ADGRL2: variants seen among roughly 807,000 people sequenced by gnomAD.
ADGRL2 encodes calcium-independent alpha-latrotoxin receptor 2.
ADGRL2 carries 44 observed loss-of-function variants against 157.4 expected under a neutral mutation model. The observed-to-expected ratio is 0.28, with a 90% confidence interval of 0.22 to 0.36. The LOEUF (loss-of-function observed/expected upper bound fraction) is 0.36. Among genes scored for constraint, ADGRL2 ranks in the 10% least tolerant of loss-of-function variants. The pLI is 1.00. For synonymous variants in ADGRL2, 585 were observed against 624.7 expected (o/e 0.94, Z 0.95); for missense variants, 1,510 against 1,768.9 (o/e 0.85, Z 2.63).
At chr1:81,564,086 T>C (rs573915899) in intron 2 of ADGRL2, among the ~76,000 whole-genome samples, 23 of 152,272 alleles carry the variant, frequency 1.5e-4, no homozygotes, top group African/African-American at 5.3e-4. Flanking sequence ...CCCAAAACAA[T>C]GATCCCAGCC....
intron 3 of ADGRL2, among the ~76,000 whole-genome samples, chr1:81,928,429 T>C (rs962178417): frequency 6.6e-6 from 1 of 152,118 alleles, no homozygotes; most frequent in African/African-American, 2.4e-5. Flanking sequence ...AATCATTATT[T>C]AATTTTTTCA....
chr1:81,885,092 G>A lies in ADGRL2; in HGVS notation c.74-21925G>A, dbSNP rs1337522177. Among the ~76,000 whole-genome samples the A allele has an allele frequency of 3.9e-5, 6 of 152,196 alleles. No individual in the cohort carries two copies. The East Asian group carries it at 9.6e-4, about 24-fold the overall frequency. ...AATTGCCAATTTATTTATTGATTTT[G>A]TTTTATAATAGTTATTATTTGAAAA... On this transcript the variant is annotated intron_variant, in intron 2 of 23. Coordinates refer to ENST00000686636, the MANE Select transcript of ADGRL2 (RefSeq NM_001366006.2).
intron 3 of ADGRL2, among the ~76,000 whole-genome samples, chr1:81,643,710 A>G (rs967617228): frequency 2.6e-5 from 4 of 152,228 alleles, no homozygotes; most frequent in African/African-American, 7.2e-5. Context: ...CAAGATCTAT[A>G]TGAGGACAAC....
chr1:81,877,111 C>T (rs1210807662), intron 2 of ADGRL2, among the ~76,000 whole-genome samples: 2 of 152,100 alleles, frequency 1.3e-5, no homozygotes, highest in Non-Finnish European at 2.9e-5. Flanking sequence ...TGATCAACAA[C>T]ATTTTGTTTT....
chr1:81,879,209 C>T (rs1473713985), intron 2 of ADGRL2, among the ~76,000 whole-genome samples: 1 of 151,874 alleles, frequency 6.6e-6, no homozygotes, highest in African/African-American at 2.4e-5. Flanking sequence ...GAATTGGAGC[C>T]CCACATGATT....
At chr1:81,871,647 T>C (rs1308321274) in intron 2 of ADGRL2, among the ~76,000 whole-genome samples, 1 of 152,212 alleles carries the variant, frequency 6.6e-6, no homozygotes, top group Non-Finnish European at 1.5e-5. Context: ...TGAGATGATA[T>C]CTCATTGTGG....
In ADGRL2 at chr1:81,924,157, C is replaced by G. The variant is rs1437621286; in HGVS notation, c.288-12571C>G. Among the ~76,000 whole-genome samples, 8 of 152,238 alleles carry G rather than the reference C, an allele frequency of 5.3e-5. No individual in the cohort carries two copies. The East Asian group carries it at 1.5e-3, about 29-fold the overall frequency. On this transcript the variant is annotated intron_variant, in intron 3 of 23. Coordinates refer to ENST00000686636, the MANE Select transcript of ADGRL2 (RefSeq NM_001366006.2). ...TGATTCTTCCCGCATATGTGTGTGC[C>G]TCCCTCAAGTATATAACAGGGAGAT...
intron 1 of ADGRL2, among the ~76,000 whole-genome samples, chr1:81,411,434 G>A (rs2076943303): frequency 6.6e-6 from 1 of 152,150 alleles, no homozygotes; most frequent in South Asian, 2.1e-4. Flanking sequence ...CCATGAGGGA[G>A]ATATTGGTGT....
At chr1:81,865,122 T>C (rs1195994898) in intron 2 of ADGRL2, among the ~76,000 whole-genome samples, 1 of 152,222 alleles carries the variant, frequency 6.6e-6, no homozygotes, top group Non-Finnish European at 1.5e-5. Flanking sequence ...CAGGCTTTAC[T>C]CTTACAGAGA....
chr1:81,798,260 TTTAAG>T (rs1260356757), upstream of ADGRL2, among the ~76,000 whole-genome samples: 2 of 152,122 alleles, frequency 1.3e-5, no homozygotes, highest in Non-Finnish European at 2.9e-5. Context: ...GTGTGTGCCT[TTTAAG>T]TGTTCCTTTG....
intron 3 of ADGRL2, among the ~76,000 whole-genome samples, chr1:81,619,411 G>A (rs2081739806): frequency 6.6e-6 from 1 of 152,056 alleles, no homozygotes; most frequent in Admixed American, 6.6e-5. Context: ...TGACACCATA[G>A]CAACTAATTG....
chr1:81,709,281 T>G (rs1057325034), intron 1 of ADGRL2, among the ~76,000 whole-genome samples: 2 of 152,142 alleles, frequency 1.3e-5, no homozygotes, highest in African/African-American at 4.8e-5. Context: ...CATTTTACAA[T>G]GGATAAAATA....
At chr1:81,746,481 G>C (rs2085250369) in intron 1 of ADGRL2, among the ~76,000 whole-genome samples, 1 of 151,918 alleles carries the variant, frequency 6.6e-6, no homozygotes, top group Non-Finnish European at 1.5e-5. Flanking sequence ...GTAGAGATGG[G>C]GTTTTACCAT....
intron 13 of ADGRL2, 65 bp downstream of exon 13, chr1:81,966,674 C>A: frequency 7.1e-7 from 1 of 1,402,222 alleles, no homozygotes; most frequent in Non-Finnish European, 1.0e-6. Context: ...GAAAGCAAAA[C>A]TGAGGTGCTG....
intron 2 of ADGRL2, among the ~76,000 whole-genome samples, chr1:81,791,334 G>A (rs2087334873): frequency 6.6e-6 from 1 of 152,070 alleles, no homozygotes; most frequent in South Asian, 2.1e-4. Context: ...TTTGAGTATT[G>A]TGGGTAATTG....
upstream of ADGRL2, among the ~76,000 whole-genome samples, chr1:81,799,878 A>C (rs1333985875): frequency 7.8e-5 from 2 of 25,660 alleles, no homozygotes; most frequent in African/African-American, 2.9e-4. Flanking sequence ...CCAGCTCAGA[A>C]ATTTTGCAAT....
intron 22 of ADGRL2, chr1:81,987,284 T>C (rs1359428223): frequency 6.3e-6 from 10 of 1,595,498 alleles, no homozygotes; most frequent in Non-Finnish European, 8.6e-6. Flanking sequence ...AATATATTAT[T>C]ACAGGACTGA....
In ADGRL2 at chr1:81,986,902, A is replaced by T; in HGVS notation, c.3510A>T (p.Gly1170=). ...TGTTGTTTTTTTTTTTTACTTTAGG[A>T]ATGACTGGCAATTACCTACTAACAA... is the stretch of plus-strand genomic sequence containing the variant. ...DINSTSTLNQ[G]MTGNYLLTNP... is the part of the protein sequence containing the mutation. The change falls in exon 22 of 24, where the codon GGA becomes GGT. Residue 1170 remains glycine (G), a splice_region_variant and synonymous_variant. Coordinates refer to ENST00000686636, the MANE Select transcript of ADGRL2 (RefSeq NM_001366006.2). 2 of 1,606,408 alleles carry T rather than the reference A, an allele frequency of 1.2e-6. No homozygotes were observed. The highest frequency in any genetic ancestry group is 1.7e-6 in the Non-Finnish European group (2 of 1,177,464).
intron 2 of ADGRL2, among the ~76,000 whole-genome samples, chr1:81,889,314 G>A (rs2094205244): frequency 6.6e-6 from 1 of 152,234 alleles, no homozygotes; most frequent in Admixed American, 6.5e-5. Flanking sequence ...AATTAAAAGT[G>A]CTACTTCAGT....
Sources: allele counts gnomAD v4.1 joint callset (sites outside exome capture counted in the v4.1 genomes callset), GRCh38; gene constraint gnomAD v4.1.1; transcripts MANE v1.5; gene names NCBI Gene and HGNC (gene_info 2026-07-23, HGNC 2026-07-21).